The following CYRIB variants were observed in gnomAD, a reference collection of about 807,000 sequenced individuals.
CYRIB encodes CYFIP related Rac1 interactor B.
CYRIB carries 8 observed loss-of-function variants against 44.2 expected under a neutral mutation model. The observed-to-expected ratio is 0.18, with a 90% CI of 0.11 to 0.33. The LOEUF (loss-of-function observed/expected upper bound fraction) is 0.33, where lower values mean the gene tolerates loss of function less well. CYRIB is among the 10% of genes least tolerant of loss of function. The pLI is 1.00. For missense variants in CYRIB, 185 were observed against 382.8 expected, an observed-to-expected ratio of 0.48 and a Z score of 4.31; for synonymous variants, 131 against 127.2, an observed-to-expected ratio of 1.03 and a Z score of -0.20.
At chr8:129,954,030 T>A (rs2094646480) in intron 2 of CYRIB, among the ~76,000 whole-genome samples, 1 of 152,028 alleles carries the variant, frequency 6.6e-6, no homozygotes, top group South Asian at 2.1e-4. Flanking sequence ...TTAGCAAGCT[T>A]CCCTTCTAAA....
intron 1 of CYRIB, among the ~76,000 whole-genome samples, chr8:129,923,204 T>C (rs895593018): frequency 3.1e-5 from 4 of 130,698 alleles, no homozygotes; most frequent in South Asian, 2.6e-4. Flanking sequence ...TATCGCGCCA[T>C]TGCACTCTAG....
intron 1 of CYRIB, among the ~76,000 whole-genome samples, chr8:129,982,981 T>A (rs114414489): frequency 0.013 from 1,867 of 147,570 alleles, 43 homozygotes; most frequent in African/African-American, 0.045. Context: ...ATTTTTTTCA[T>A]ATACCAATTA....
intron 1 of CYRIB, among the ~76,000 whole-genome samples, chr8:129,905,447 G>A (rs979431727): frequency 2.0e-5 from 3 of 152,122 alleles, no homozygotes; most frequent in Non-Finnish European, 2.9e-5. Context: ...TCCATCTCCC[G>A]ATGTCGTGAT....
upstream of CYRIB, among the ~76,000 whole-genome samples, chr8:129,943,179 G>T (rs191767838): frequency 1.4e-3 from 217 of 150,578 alleles, 4 homozygotes; most frequent in South Asian, 0.029. Flanking sequence ...GGGGCTGAGA[G>T]TTTAGTGAAA....
At chr8:129,988,667 C>G (rs2096545319) in intron 1 of CYRIB, among the ~76,000 whole-genome samples, 1 of 152,164 alleles carries the variant, frequency 6.6e-6, no homozygotes, top group Non-Finnish European at 1.5e-5. Flanking sequence ...ATAGCTTCTT[C>G]CCCTCCGTGA....
In CYRIB at chr8:129,912,680, G is replaced by A. The variant is rs528381396; in HGVS notation, c.-49-9330C>T. 3.9e-5 allele frequency among the ~76,000 whole-genome samples: 6 copies of A among 152,080 alleles called. No homozygotes were observed. The East Asian group carries it at 1.2e-3, about 29-fold the overall frequency. On this transcript the variant is annotated intron_variant, in intron 1 of 11. Coordinates refer to ENST00000519824, the Ensembl canonical transcript of CYRIB. ...TTTATTTTTATTTTTTTATTTTAGA[G>A]ACAGGGTCTTATTAGGATGCCCAGG...
chr8:129,859,170 G>A (rs1349762935), intron 5 of CYRIB, among the ~76,000 whole-genome samples: 1 of 152,190 alleles, frequency 6.6e-6, no homozygotes. Flanking sequence ...CATGTCCACT[G>A]GACAGGGGGC....
chr8:129,949,406 T>G (rs1298072550), intron 2 of CYRIB: 1 of 152,208 alleles, frequency 6.6e-6, no homozygotes, highest in Non-Finnish European at 1.5e-5. Context: ...GACAAACAGT[T>G]CAAGTACTTT....
chr8:129,927,721 G>C (rs1590066883), intron 1 of CYRIB, among the ~76,000 whole-genome samples: 1 of 152,090 alleles, frequency 6.6e-6, no homozygotes, highest in Non-Finnish European at 1.5e-5. Flanking sequence ...ATAAATATGA[G>C]CATGTATGTT....
chr8:129,871,250 G>A, intron 4 of CYRIB, 125 bp downstream of exon 6: 1 of 1,125,840 alleles, frequency 8.9e-7, no homozygotes, highest in South Asian at 2.0e-5. Flanking sequence ...ACAATGCCAA[G>A]TGAGCATCCT....
intron 4 of CYRIB, among the ~76,000 whole-genome samples, chr8:129,864,184 A>G (rs551867971): frequency 6.6e-6 from 1 of 152,378 alleles, no homozygotes; most frequent in South Asian, 2.1e-4. Flanking sequence ...TGATGCTTAA[A>G]CCCATTAGAA....
At chr8:129,852,709 T>C (rs1312430007) in intron 7 of CYRIB, among the ~76,000 whole-genome samples, 1 of 152,190 alleles carries the variant, frequency 6.6e-6, no homozygotes, top group Non-Finnish European at 1.5e-5. Flanking sequence ...TTGCAGGTCA[T>C]ATTGGGCAGG....
At chr8:129,906,563 C>T (rs1047591534) in intron 1 of CYRIB, among the ~76,000 whole-genome samples, 9 of 152,174 alleles carry the variant, frequency 5.9e-5, no homozygotes, top group African/African-American at 2.2e-4. Flanking sequence ...ATGTCTAAAA[C>T]ACCAAAAGCA....
chr8:129,994,271 G>GC (rs559517027), intron 1 of CYRIB, among the ~76,000 whole-genome samples: 187 of 151,788 alleles, frequency 1.2e-3, no homozygotes, highest in African/African-American at 4.2e-3. Context: ...CCAGAAGCTG[G>GC]GGGGGGTGGC....
intron 4 of CYRIB, among the ~76,000 whole-genome samples, chr8:129,869,148 G>A (rs2055667501): frequency 6.6e-6 from 1 of 151,656 alleles, no homozygotes; most frequent in Non-Finnish European, 1.5e-5. Flanking sequence ...CACTTTGGGA[G>A]GCGGAGGTGG....
chr8:129,890,329 C>T (rs2064722943), intron 2 of CYRIB: 1 of 152,228 alleles, frequency 6.6e-6, no homozygotes, highest in Non-Finnish European at 1.5e-5. Context: ...ACCCAACCTT[C>T]AGCAACTACT....
chr8:129,984,765 GTTTT>G (rs553189841), intron 1 of CYRIB, among the ~76,000 whole-genome samples: 1 of 151,736 alleles, frequency 6.6e-6, no homozygotes, highest in Non-Finnish European at 1.5e-5. Context: ...AGTGGTGGGG[GTTTT>G]TTTTGTTTTT....
intron 2 of CYRIB, among the ~76,000 whole-genome samples, chr8:129,887,546 C>T (rs962342220): frequency 6.6e-6 from 1 of 152,164 alleles, no homozygotes; most frequent in Non-Finnish European, 1.5e-5. Context: ...CTCCAGACCC[C>T]GGAATGGCAG....
At chr8:129,956,977 T>C (rs2094886977) in intron 2 of CYRIB, among the ~76,000 whole-genome samples, 1 of 152,052 alleles carries the variant, frequency 6.6e-6, no homozygotes, top group East Asian at 1.9e-4. Flanking sequence ...TAGCTGGGAC[T>C]ACAGACACAC....
Sources: gnomAD v4.1 joint callset for allele counts (sites outside exome capture counted in the v4.1 genomes callset) on GRCh38, gnomAD v4.1.1 for gene constraint, MANE v1.5 for transcripts, NCBI Gene and HGNC (gene_info 2026-07-23, HGNC 2026-07-21) for gene names.